The following KANSL1 variants were observed in gnomAD, a reference collection of about 807,000 sequenced individuals.
KANSL1 encodes MLL1/MLL complex subunit KANSL1.
Under a neutral mutation model 103.6 loss-of-function variants are expected in KANSL1, and 22 were observed. The ratio of observed to expected loss-of-function variants is 0.21; its 90% confidence interval spans 0.15 to 0.30. KANSL1 has a LOEUF of 0.30. KANSL1 is among the 10% of genes least tolerant of loss of function. KANSL1 has a pLI of 1.00. For missense variants in KANSL1, 1,337 were observed against 1,399.8 expected, an observed-to-expected ratio of 0.96 and a Z score of 0.72; for synonymous variants, 600 against 527.6, an observed-to-expected ratio of 1.14 and a Z score of -1.88.
In KANSL1 at chr17:46,171,332, G is replaced by T. The variant is rs1597872380; in HGVS notation, c.812C>A (p.Ser271Tyr). 1 of 1,614,196 alleles carries T rather than the reference G, an allele frequency of 6.2e-7. No homozygotes were observed. The highest frequency in any genetic ancestry group is 2.2e-5 in the East Asian group (1 of 44,884). Residue 271 changes from serine to tyrosine, a missense_variant, in exon 2 of 15, where the codon TCT (serine) becomes TAT (tyrosine). This residue lies in a region of KANSL1 where 557 missense variants were observed against 476.4 expected (regional missense o/e 1.17). Coordinates refer to ENST00000432791, the MANE Select transcript of KANSL1 (RefSeq NM_015443.4). ...ATCTAAAGCACTGAAAAGAATGGAA[G>T]ACAGGGGAGACTTTTTACCCTCCAA... ...VKLEGKKSPL[S>Y]SILFSALDSD...
chr17:46,058,733 ACACACACACACTCTCTCTCTCTCT>A (rs1462072934), intron 6 of KANSL1, among the ~76,000 whole-genome samples: 27 of 61,316 alleles, frequency 4.4e-4, no homozygotes, highest in Admixed American at 1.9e-3. Flanking sequence ...ACACACACAC[ACACACACACACTCTCTCTCTCTCT>A]CTCTCTCTCT....
At chr17:46,052,631 AAAC>A (rs142767245) in intron 6 of KANSL1, among the ~76,000 whole-genome samples, 21,630 of 151,416 alleles carry the variant, frequency 0.14, 2,109 homozygotes, top group Non-Finnish European at 0.22. Flanking sequence ...CAAAAAAACA[AAAC>A]AACAACAATA....
chr17:46,064,361 T>A (rs1456791732), intron 6 of KANSL1, among the ~76,000 whole-genome samples: 1 of 152,224 alleles, frequency 6.6e-6, no homozygotes, highest in African/African-American at 2.4e-5. Context: ...GCAAATATGT[T>A]GCTAGTGGCT....
At chr17:46,136,975 G>C (rs138023664) in intron 2 of KANSL1, among the ~76,000 whole-genome samples, 12 of 152,350 alleles carry the variant, frequency 7.9e-5, no homozygotes, top group Middle Eastern at 6.8e-3. Context: ...CAAAAAAATT[G>C]TAATTCCCTA....
Position 46,088,223 on chromosome 17 carries a change from C to CCT in KANSL1, c.1432-5683_1432-5682dup, listed in dbSNP as rs145624784. 9.1e-3 allele frequency among the ~76,000 whole-genome samples: 1,389 copies of CCT among 152,202 alleles called. 26 individuals carry two copies. Among genetic ancestry groups the CCT allele is most frequent in the African/African-American group, 0.032 (1,333 of 41,488 alleles). The stretch of plus-strand genomic sequence containing the variant: ...CTAAGTGACTCCTCTGTGGATGAAC[C>CCT]CTCTCTCAACTGTATTTGCAATACA... On this transcript the variant is annotated intron_variant, in intron 3 of 14. Coordinates refer to ENST00000432791, the MANE Select transcript of KANSL1 (RefSeq NM_015443.4).
chr17:46,158,123 C>T (rs1327470976), intron 2 of KANSL1, among the ~76,000 whole-genome samples: 1 of 152,228 alleles, frequency 6.6e-6, no homozygotes, highest in Non-Finnish European at 1.5e-5. Context: ...ACCTAAAAAG[C>T]AGTAACTGAA....
At chr17:46,061,758 T>G (rs1442203798) in intron 6 of KANSL1, among the ~76,000 whole-genome samples, 3 of 152,144 alleles carry the variant, frequency 2.0e-5, no homozygotes, top group African/African-American at 7.2e-5. Context: ...AGTCTGTCTT[T>G]CCACCTCCAG....
At chr17:46,214,040 TTAAC>T (rs1413861912) in intron 1 of KANSL1, among the ~76,000 whole-genome samples, 1 of 152,326 alleles carries the variant, frequency 6.6e-6, no homozygotes, top group Admixed American at 6.5e-5. Context: ...TCCCTATACT[TTAAC>T]TATGTGAAAA....
chr17:46,046,820 G>A (rs2146442888), intron 7 of KANSL1, among the ~76,000 whole-genome samples: 2 of 122,976 alleles, frequency 1.6e-5, no homozygotes, highest in Admixed American at 1.9e-4. Context: ...CTGGGTGACA[G>A]AGCAAAACTG....
chr17:46,205,226 C>T (rs1434604485), intron 1 of KANSL1, among the ~76,000 whole-genome samples: 1 of 152,096 alleles, frequency 6.6e-6, no homozygotes, highest in Admixed American at 6.5e-5. Context: ...AAGAAAATCC[C>T]ACAAATAAAC....
intron 1 of KANSL1, among the ~76,000 whole-genome samples, chr17:46,205,680 C>CAAAAAAAAAAA (rs56154541): frequency 3.2e-5 from 3 of 93,106 alleles, no homozygotes; most frequent in Non-Finnish European, 4.1e-5. Flanking sequence ...GACACTGTCT[C>CAAAAAAAAAAA]AAAAAAAAAA....
intron 2 of KANSL1, among the ~76,000 whole-genome samples, chr17:46,098,404 T>C (rs1169225018): frequency 6.6e-6 from 1 of 152,104 alleles, no homozygotes; most frequent in Non-Finnish European, 1.5e-5. Context: ...CTCAATCAAC[T>C]CCCCTCACAC....
chr17:46,100,231 G>A (rs1347366409), intron 2 of KANSL1, among the ~76,000 whole-genome samples: 7 of 152,038 alleles, frequency 4.6e-5, no homozygotes, highest in Non-Finnish European at 8.8e-5. Flanking sequence ...ACAATTTTAA[G>A]ACTTCTCATT....
At chr17:46,101,394 T>C (rs1598620222) in intron 2 of KANSL1, among the ~76,000 whole-genome samples, 1 of 152,194 alleles carries the variant, frequency 6.6e-6, no homozygotes, top group Non-Finnish European at 1.5e-5. Context: ...CTTCACAAAG[T>C]TGTGATAGCC....
intron 2 of KANSL1, among the ~76,000 whole-genome samples, chr17:46,119,340 G>C (rs1453390175): frequency 6.8e-6 from 1 of 146,810 alleles, no homozygotes; most frequent in Non-Finnish European, 1.5e-5. Flanking sequence ...TTTTTTTTGA[G>C]ATGGGGAGTC....
chr17:46,186,383 C>CAAAA (rs371176514), intron 1 of KANSL1, among the ~76,000 whole-genome samples: 2 of 111,430 alleles, frequency 1.8e-5, no homozygotes, highest in Non-Finnish European at 1.8e-5. Context: ...GACTGTGTCT[C>CAAAA]AAAAAAAAAA....
At chr17:46,118,226 T>C (rs544403314) in intron 2 of KANSL1, among the ~76,000 whole-genome samples, 1 of 151,316 alleles carries the variant, frequency 6.6e-6, no homozygotes, top group South Asian at 2.1e-4. Context: ...TGGGTTTTCT[T>C]CGGCCTTCAC....
intron 3 of KANSL1, among the ~76,000 whole-genome samples, chr17:46,087,458 T>C (rs183382122): frequency 1.1e-3 from 164 of 152,288 alleles, no homozygotes; most frequent in African/African-American, 3.8e-3. Flanking sequence ...TTCATGCAGG[T>C]AGCATCTATT....
At chr17:46,209,717 C>T (rs1363429075) in intron 1 of KANSL1, among the ~76,000 whole-genome samples, 1 of 152,250 alleles carries the variant, frequency 6.6e-6, no homozygotes, top group African/African-American at 2.4e-5. Flanking sequence ...TGTTCTCAAA[C>T]TCCTGACCTC....
Sources: gnomAD v4.1 joint callset for allele counts (sites outside exome capture counted in the v4.1 genomes callset) on GRCh38, gnomAD v4.1.1 for gene constraint, gnomAD v4.1.1 regional missense constraint, MANE v1.5 for transcripts, NCBI Gene and HGNC (gene_info 2026-07-23, HGNC 2026-07-21) for gene names.